Variants in NUP85 observed in about 807,000 individuals in gnomAD.
The protein encoded by NUP85 is nuclear pore complex protein Nup85.
A neutral mutation model predicts 92.8 loss-of-function variants in NUP85; 23 were observed. The ratio of observed to expected loss-of-function variants is 0.25; its 90% CI spans 0.18 to 0.35. NUP85 has a LOEUF of 0.35. Ranked by LOEUF, NUP85 falls within the 10% of genes least tolerant of loss-of-function variation. The pLI, the probability that NUP85 is intolerant of heterozygous loss-of-function variation, is 1.00. For missense variants in NUP85, 759 were observed against 822.8 expected, an observed-to-expected ratio of 0.92 and a Z score of 0.95; for synonymous variants, 314 against 306.9, an observed-to-expected ratio of 1.02 and a Z score of -0.24.
intron 1 of NUP85, 49 bp from the exon 2 acceptor site, chr17:75,208,478 A>C (rs1465408132): frequency 1.1e-6 from 1 of 942,038 alleles, no homozygotes; most frequent in South Asian, 1.4e-5. Context: ...GAACAACTTC[A>C]GTAAGAAGAA....
Position 75,225,690 on chromosome 17 carries a change from C to T in NUP85, c.856-8C>T, listed in dbSNP as rs1252123388. 3.1e-6 allele frequency: 5 copies of T among 1,614,064 alleles called. No individual in the cohort carries two copies. Among genetic ancestry groups the T allele is most frequent in the African/African-American group, 2.7e-5 (2 of 75,062 alleles). On this transcript the variant is annotated splice_region_variant and splice_polypyrimidine_tract_variant and intron_variant, in intron 9 of 18. Transcript: ENST00000245544. ...AGGACAGAGTTCAGCACAAATGTCTCTCCTCAGATTATGCTGGGAGACGAA... is the reference window on the plus strand; with the variant it reads ...AGGACAGAGTTCAGCACAAATGTCTTTCCTCAGATTATGCTGGGAGACGAA...
chr17:75,225,692 C>T lies in NUP85; in HGVS notation c.856-6C>T, dbSNP rs2075767401. The T allele has an allele frequency of 6.2e-7, 1 of 1,614,082 alleles. No individual in the cohort carries two copies. Among genetic ancestry groups the T allele is most frequent in the East Asian group, 2.2e-5 (1 of 44,880 alleles). On this transcript the variant is annotated splice_region_variant and splice_polypyrimidine_tract_variant and intron_variant, in intron 9 of 18. Coordinates refer to ENST00000245544, the MANE Select transcript of NUP85 (RefSeq NM_024844.5). ...GACAGAGTTCAGCACAAATGTCTCT[C>T]CTCAGATTATGCTGGGAGACGAAGC... is the stretch of plus-strand genomic sequence containing the variant.
Position 75,219,747 on chromosome 17 carries a change from G to C in NUP85, c.597+1441G>C, listed in dbSNP as rs918987079. Among the ~76,000 whole-genome samples the C allele has an allele frequency of 2.6e-5, 4 of 152,298 alleles. No homozygotes were observed. The East Asian group carries it at 5.8e-4, about 22-fold the overall frequency. On this transcript the variant is annotated intron_variant, in intron 7 of 18. Coordinates refer to ENST00000245544, the MANE Select transcript of NUP85 (RefSeq NM_024844.5). ...GGCACATAGTGAAATGCTCTGCCAA[G>C]GTGCCAAGAAGGGAGGGAGGCTGCA... is the stretch of plus-strand genomic sequence containing the variant.
At chr17:75,207,167 G>A (rs1194213608) in intron 1 of NUP85, among the ~76,000 whole-genome samples, 1 of 151,720 alleles carries the variant, frequency 6.6e-6, no homozygotes. Flanking sequence ...GAAGCTCTCT[G>A]GGGAGATATG....
rs563693956 is a variant in NUP85 at position 75,226,818 on chromosome 17, T to G, written c.1094+661T>G. Reference sequence around the variant, plus strand: ...ATCTAGAAAAAGCCAGCAAGCCTGTTTCTTGGCACCTAATGGACACCTTAT... The same window carrying G: ...ATCTAGAAAAAGCCAGCAAGCCTGTGTCTTGGCACCTAATGGACACCTTAT... On this transcript the variant is annotated intron_variant, in intron 11 of 18. Coordinates refer to ENST00000245544, the MANE Select transcript of NUP85 (RefSeq NM_024844.5). 6 of 437,986 alleles carry G rather than the reference T, an allele frequency of 1.4e-5. No individual in the cohort carries two copies. The East Asian group carries it at 4.3e-4, about 31-fold the overall frequency. 27.1% of individuals were successfully genotyped at this position (437,986 alleles called of 1,614,324 possible).
chr17:75,220,422 C>T, intron 7 of NUP85, among the ~76,000 whole-genome samples: 2 of 140,948 alleles, frequency 1.4e-5, no homozygotes, highest in East Asian at 2.1e-4. Flanking sequence ...CATGCCTGGC[C>T]TTTTTTTTTT....
intron 7 of NUP85, among the ~76,000 whole-genome samples, chr17:75,221,027 G>A (rs1278493861): frequency 1.3e-5 from 2 of 151,240 alleles, no homozygotes; most frequent in Non-Finnish European, 2.9e-5. Flanking sequence ...GACCACGGGC[G>A]CCTGCCACCA....
chr17:75,233,811 G>C (rs2076202956), intron 16 of NUP85, among the ~76,000 whole-genome samples: 1 of 152,064 alleles, frequency 6.6e-6, no homozygotes, highest in Non-Finnish European at 1.5e-5. Flanking sequence ...TGTTAGCCAG[G>C]ATGGTCTTGA....
intron 1 of NUP85, among the ~76,000 whole-genome samples, 200 bp downstream of exon 1, chr17:75,205,994 A>G (rs1042706311): frequency 1.3e-5 from 2 of 152,012 alleles, no homozygotes; most frequent in African/African-American, 4.8e-5. Context: ...TTCTGCCACC[A>G]GTCACAAACC....
chr17:75,212,083 C>CACGT (rs1555660403), intron 4 of NUP85, 21 bp downstream of exon 4: 10 of 941,650 alleles, frequency 1.1e-5, no homozygotes, highest in Non-Finnish European at 1.5e-5. Flanking sequence ...TGTGCGCGTG[C>CACGT]GCGCGTGTGT....
chr17:75,215,055 C>T (rs1385474025), intron 5 of NUP85, among the ~76,000 whole-genome samples: 2 of 151,964 alleles, frequency 1.3e-5, no homozygotes, highest in African/African-American at 2.4e-5. Flanking sequence ...CCTGTAATCC[C>T]AGCTACTGGG....
Position 75,208,626 on chromosome 17 carries a change from G to GT in NUP85, c.127+14dup, listed in dbSNP as rs762684185. 103 of 1,521,628 alleles carry GT rather than the reference G, an allele frequency of 6.8e-5. No individual in the cohort carries two copies. Among genetic ancestry groups the GT allele is most frequent in the Non-Finnish European group, 8.7e-5 (96 of 1,099,428 alleles). 94.3% of individuals were successfully genotyped at this position (1,521,628 alleles called of 1,614,324 possible). A position where few individuals can be genotyped will look rare whatever the true frequency, so the allele number is the denominator to read the frequency against. ...AACCTCCTTCAACAAAAAAGGTAGG[G>GT]TTTTTTTTCTTCCAAATTATCCATC... On this transcript the variant is annotated splice_region_variant and intron_variant, in intron 2 of 18. Transcript: ENST00000245544.
intron 2 of NUP85, among the ~76,000 whole-genome samples, chr17:75,209,136 C>T (rs1416547077): frequency 6.6e-6 from 1 of 151,986 alleles, no homozygotes; most frequent in Admixed American, 6.6e-5. Context: ...CTTTTTATCC[C>T]TTTTTCTTTG....
At chr17:75,224,970 A>C (rs1450204999) in intron 7 of NUP85, 133 bp from the exon 8 acceptor site, 3 of 804,800 alleles carry the variant, frequency 3.7e-6, no homozygotes, top group East Asian at 2.8e-5. Flanking sequence ...TTCCCAGGGC[A>C]GACTCAGGTG....
chr17:75,224,575 G>A (rs1021507410), intron 7 of NUP85, among the ~76,000 whole-genome samples: 7 of 151,846 alleles, frequency 4.6e-5, no homozygotes, highest in African/African-American at 1.7e-4. Flanking sequence ...GCTCACGCCT[G>A]TAATCCCAAC....
chr17:75,233,441 T>TG (rs1410846658), intron 16 of NUP85, among the ~76,000 whole-genome samples: 1 of 140,896 alleles, frequency 7.1e-6, no homozygotes, highest in East Asian at 2.0e-4. Context: ...TTTTTTCTTT[T>TG]TTTTTTTTTT....
At chr17:75,225,556 G>T in intron 9 of NUP85, 92 bp downstream of exon 9, 1 of 1,576,252 alleles carries the variant, frequency 6.3e-7, no homozygotes, top group Non-Finnish European at 8.6e-7. Flanking sequence ...GTCCTCCTTG[G>T]ATAGGGCTGT....
At chr17:75,207,854 GTGGCGCGTGCCTGTAATCCCAC>G (rs2075132459) in intron 1 of NUP85, among the ~76,000 whole-genome samples, 1 of 151,988 alleles carries the variant, frequency 6.6e-6, no homozygotes, top group Non-Finnish European at 1.5e-5. Flanking sequence ...GCCTGGTTTG[GTGGCGCGTGCCTGTAATCCCAC>G]CTACTCAAGA....
intron 7 of NUP85, among the ~76,000 whole-genome samples, chr17:75,222,545 T>A (rs1465429563): frequency 5.9e-5 from 8 of 135,996 alleles, no homozygotes; most frequent in Non-Finnish European, 9.2e-5. Flanking sequence ...TTTGCTCTTG[T>A]TGCCCAGGCT....
Sources: allele counts gnomAD v4.1 joint callset (sites outside exome capture counted in the v4.1 genomes callset), GRCh38; gene constraint gnomAD v4.1.1; transcripts MANE v1.5; gene names NCBI Gene and HGNC (gene_info 2026-07-23, HGNC 2026-07-21).